The following EEF2K variants were observed in gnomAD, a reference collection of about 807,000 sequenced individuals.
EEF2K encodes alternative protein EEF2K.
Under a neutral mutation model 93.8 loss-of-function variants are expected in EEF2K, and 70 were observed. The ratio of observed to expected loss-of-function variants is 0.75; its 90% CI spans 0.62 to 0.91. The LOEUF is 0.91. Among genes scored for constraint, EEF2K ranks in the 40% least tolerant of loss-of-function variants. The probability of loss-of-function intolerance (pLI) is 0.00; values close to 1 mark genes in which losing one functional copy is unlikely to be tolerated. For missense variants in EEF2K, 935 were observed against 972.9 expected (o/e 0.96, Z 0.52); for synonymous variants, 376 against 380.8 (o/e 0.99, Z 0.15).
chr16:22,235,145 C>T (rs2047155626), intron 2 of EEF2K, among the ~76,000 whole-genome samples: 1 of 150,912 alleles, frequency 6.6e-6, no homozygotes, highest in Admixed American at 6.6e-5. Flanking sequence ...ACCTGGGAGG[C>T]AGAGATTGCA....
At chr16:22,280,722 C>T (rs1455537386) in intron 17 of EEF2K, among the ~76,000 whole-genome samples, 9 of 145,994 alleles carry the variant, frequency 6.2e-5, no homozygotes, top group African/African-American at 2.3e-4. Context: ...TGGAGTGCAA[C>T]GGCATAATCT....
chr16:22,251,343 C>T lies in EEF2K; in HGVS notation c.618+21C>T, dbSNP rs750290664. ...AGCAGGTGCGTGGCCCCACTACCTG[C>T]CCCCTTTCCATGCCAGGGCAGCTGG... On this transcript the variant is annotated intron_variant, in intron 6 of 17. Transcript: ENST00000263026. 13 of 1,612,362 alleles carry T rather than the reference C, an allele frequency of 8.1e-6. No homozygotes were observed. The Admixed American group carries it at 8.4e-5, about 10-fold the overall frequency.
chr16:22,243,714 G>C (rs2047249606), intron 2 of EEF2K, among the ~76,000 whole-genome samples: 1 of 151,540 alleles, frequency 6.6e-6, no homozygotes, highest in Non-Finnish European at 1.5e-5. Flanking sequence ...TTGAGGTCAG[G>C]AGTTTGACAC....
chr16:22,231,798 T>C (rs576237026), intron 2 of EEF2K, among the ~76,000 whole-genome samples: 1 of 151,796 alleles, frequency 6.6e-6, no homozygotes, highest in African/African-American at 2.4e-5. Context: ...GAGACCAGCC[T>C]GACCTACATG....
Position 22,244,749 on chromosome 16 carries a change from G to T in EEF2K, c.347+19G>T, listed in dbSNP as rs750671490. ...GACACAGGTCAGCAGCTTGTGTGGG[G>T]TCTCGAGGAGTCCTGGGGGCTATAC... is the stretch of plus-strand genomic sequence containing the variant. On this transcript the variant is annotated intron_variant, in intron 3 of 17. Transcript: ENST00000263026. The T allele has an allele frequency of 6.2e-7, 1 of 1,612,712 alleles. No homozygotes were observed. The highest frequency in any genetic ancestry group is 1.1e-5 in the South Asian group (1 of 91,030).
At chr16:22,265,966 A>C (rs986695475) in intron 13 of EEF2K, among the ~76,000 whole-genome samples, 6 of 152,152 alleles carry the variant, frequency 3.9e-5, no homozygotes, top group African/African-American at 1.4e-4. Context: ...AACCAAATCC[A>C]GATTGGTAAA....
chr16:22,272,437 A>AT (rs1490633611), intron 15 of EEF2K, among the ~76,000 whole-genome samples: 1 of 152,216 alleles, frequency 6.6e-6, no homozygotes, highest in East Asian at 1.9e-4. Flanking sequence ...AAAGGACCAC[A>AT]TATTGTATGA....
At chr16:22,231,085 G>A (rs1394362974) in intron 2 of EEF2K, among the ~76,000 whole-genome samples, 1 of 151,728 alleles carries the variant, frequency 6.6e-6, no homozygotes, top group African/African-American at 2.4e-5. Flanking sequence ...AATATAGTAT[G>A]ATGCTTTTTT....
chr16:22,253,427 A>G (rs1315229950), intron 6 of EEF2K, among the ~76,000 whole-genome samples: 2 of 152,208 alleles, frequency 1.3e-5, no homozygotes, highest in Non-Finnish European at 2.9e-5. Flanking sequence ...TTCCTCTGCA[A>G]TTTGCGGCCT....
At chr16:22,257,230 G>A (rs2047410826) in intron 7 of EEF2K, 23 bp from the exon 8 acceptor site, 22 of 1,613,976 alleles carry the variant, frequency 1.4e-5, no homozygotes, top group East Asian at 4.5e-5. Context: ...TTGACATCTC[G>A]TTTTCCTTCC....
rs1220884858 is a variant in EEF2K, at chr16:22,287,003, A to C, written c.*3007A>C. ...TACAGAGCTAAGCAAATGCTTCTTT[A>C]AGGGCCCTTAAAAGTGAAAAGTAAC... On this transcript the variant is annotated 3_prime_UTR_variant, in exon 18 of 18. Transcript: ENST00000263026. The C allele has an allele frequency of 6.6e-6, 1 of 152,194 alleles. No individual in the cohort carries two copies. Among genetic ancestry groups the C allele is most frequent in the African/African-American group, 2.4e-5 (1 of 41,416 alleles). 9.4% of individuals were successfully genotyped at this position (152,194 alleles called of 1,614,324 possible). A position where few individuals can be genotyped will look rare whatever the true frequency, so the allele number is the denominator to read the frequency against.
At chr16:22,207,317 G>A (rs2046873167) in intron 1 of EEF2K, among the ~76,000 whole-genome samples, 1 of 152,190 alleles carries the variant, frequency 6.6e-6, no homozygotes, top group South Asian at 2.1e-4. Context: ...TGACAGATGG[G>A]CCGCATGGGG....
chr16:22,233,242 G>A (rs2047133814), intron 2 of EEF2K, among the ~76,000 whole-genome samples: 1 of 152,114 alleles, frequency 6.6e-6, no homozygotes, highest in Non-Finnish European at 1.5e-5. Flanking sequence ...ACATCACCAG[G>A]GCAGCAGGAA....
rs758672138 is a variant in EEF2K, at chr16:22,257,363, TG to T, written c.880del (p.Asp294ThrfsTer7). ...DPQIHTETGT[D>X]FGDGNLGVRG... ...CACAGATCCACACGGAGACGGGCAC[TG>T]ACTTTGGAGACGGCAACCTAGGTAC... On this transcript the variant is annotated frameshift_variant, in exon 8 of 18. Transcript: ENST00000263026. LOFTEE classifies it high-confidence loss of function. 6 of 1,613,630 alleles carry T rather than the reference TG, an allele frequency of 3.7e-6. No homozygotes were observed. The Admixed American group carries it at 1.0e-4, about 27-fold the overall frequency.
Position 22,244,664 on chromosome 16 carries a change from A to C in EEF2K, c.281A>C (p.His94Pro), listed in dbSNP as rs757382136. The C allele has an allele frequency of 1.9e-6, 3 of 1,613,972 alleles. No individual in the cohort carries two copies. The highest frequency in any genetic ancestry group is 2.5e-6 in the Non-Finnish European group (3 of 1,179,972). ...AAGCACGCAATCCAGAAGGCCAAGC[A>C]CATGCCCGACCCCTGGGCTGAGTTC... ...AWKHAIQKAK[H>P]MPDPWAEFHL... The change falls in exon 3 of 18, where the codon CAC becomes CCC. Residue 94 changes from histidine to proline, a missense_variant. Transcript: ENST00000263026.
Position 22,257,669 on chromosome 16 carries a change from T to C in EEF2K, c.928T>C (p.Tyr310His), listed in dbSNP as rs747477257. 1.9e-6 allele frequency: 3 copies of C among 1,613,892 alleles called. No individual in the cohort carries two copies. The South Asian group carries it at 3.3e-5, about 18-fold the overall frequency. ...LGVRGMALFFYSHACNRICES... is the reference protein window; with the variant it reads ...LGVRGMALFFHSHACNRICES... The stretch of plus-strand genomic sequence containing the variant: ...TGTCCGCGGGATGGCGCTCTTCTTC[T>C]ACTCTCATGCCTGCAACCGGATTTG... The change falls in exon 9 of 18, where the codon TAC becomes CAC. Residue 310 changes from tyrosine (Y) to histidine (H), a missense_variant. Physicochemically the swap from Tyr to His is moderately conservative, Grantham distance 83. Transcript: ENST00000263026.
intron 12 of EEF2K, 98 bp from the exon 13 acceptor site, chr16:22,264,720 A>G: frequency 7.1e-7 from 1 of 1,407,348 alleles, no homozygotes; most frequent in Non-Finnish European, 9.9e-7. Flanking sequence ...TAGGAGGGCC[A>G]GGCTGGTTCC....
Position 22,256,767 on chromosome 16 carries a change from G to C in EEF2K, c.638G>C (p.Cys213Ser). The stretch of plus-strand genomic sequence containing the variant: ...CACCAGGTGGACATCATGCAGATGT[G>C]CATCATCGAGCTGAAGGACAGACCG... Reference protein sequence around the residue: ...PPKQVDIMQMCIIELKDRPGK... With the variant: ...PPKQVDIMQMSIIELKDRPGK... Residue 213 changes from cysteine to serine, a missense_variant, in exon 7 of 18, where the codon TGC becomes TCC. By Grantham distance (112) the Cys-to-Ser change is moderately radical. Coordinates refer to ENST00000263026, the MANE Select transcript of EEF2K (RefSeq NM_013302.5). The C allele has an allele frequency of 2.5e-6, 4 of 1,613,970 alleles. No homozygotes were observed. Among genetic ancestry groups the C allele is most frequent in the Non-Finnish European group, 3.4e-6 (4 of 1,179,984 alleles).
At position 22,260,449 on chromosome 16, in the gene EEF2K, T is replaced by A. The variant is rs368128343; in HGVS notation, c.1232-13T>A. ...GTGGAACCAGGACATGATGTCTGTT[T>A]CTCCCTGCCCAGATTGGCCAGTGTT... is the stretch of plus-strand genomic sequence containing the variant. On this transcript the variant is annotated splice_polypyrimidine_tract_variant and intron_variant, in intron 10 of 17. Transcript: ENST00000263026. 6.2e-7 allele frequency: 1 copy of A among 1,614,026 alleles called. No individual in the cohort carries two copies. The highest frequency in any genetic ancestry group is 8.5e-7 in the Non-Finnish European group (1 of 1,180,014).
Sources: allele counts gnomAD v4.1 joint callset (sites outside exome capture counted in the v4.1 genomes callset), GRCh38; gene constraint gnomAD v4.1.1; transcripts MANE v1.5; gene names NCBI Gene and HGNC (gene_info 2026-07-23, HGNC 2026-07-21).